Variants in ABCA8 observed in about 807,000 individuals in gnomAD.
The protein encoded by ABCA8 is ATP binding cassette subfamily A member 8, also known as ABC-type organic anion transporter ABCA8.
In ABCA8, 177 loss-of-function variants were observed where a neutral mutation model predicts 192.3. The ratio of observed to expected loss-of-function variants is 0.92; its 90% CI spans 0.81 to 1.04. The LOEUF is 1.04. Ranked by LOEUF, ABCA8 falls within the 50% of genes least tolerant of loss-of-function variation. The probability of loss-of-function intolerance (pLI) is 0.00; values close to 1 mark genes in which losing one functional copy is unlikely to be tolerated. For missense variants in ABCA8, 1,915 were observed against 1,904.8 expected (o/e 1.01, Z -0.10); for synonymous variants, 642 against 690.2 (o/e 0.93, Z 1.09).
rs2068505236 is a variant in ABCA8, at chr17:68,949,384, A to T, written c.-78T>A. 1 of 152,232 alleles carries T rather than the reference A, an allele frequency of 6.6e-6. No homozygotes were observed. The highest frequency in any genetic ancestry group is 2.1e-4 in the South Asian group (1 of 4,832). The allele number at this position is 152,232 out of a possible 1,614,324, so 9.4% of individuals were successfully genotyped here. On this transcript the variant is annotated 5_prime_UTR_variant, in exon 2 of 40. The change abolishes an upstream ATG in the 5' untranslated region. Transcript: ENST00000586539. ...CAGTGGTACAAGAGGAGCTGGTAGC[A>T]TTCCTTCTGAAACAATTCCAAACAG...
chr17:68,890,700 G>C (rs1212787285), intron 24 of ABCA8, among the ~76,000 whole-genome samples: 2 of 152,120 alleles, frequency 1.3e-5, no homozygotes, highest in East Asian at 3.9e-4. Context: ...TGTATTTTTA[G>C]TAGAGACAGG....
intron 11 of ABCA8, among the ~76,000 whole-genome samples, chr17:68,924,364 A>C (rs114636820): frequency 1.3e-5 from 2 of 149,598 alleles, no homozygotes; most frequent in East Asian, 1.9e-4. Context: ...AAAAAGGGAG[A>C]TAGATGAGGT....
intron 2 of ABCA8, among the ~76,000 whole-genome samples, chr17:68,946,224 T>G (rs985934890): frequency 2.6e-5 from 4 of 152,026 alleles, no homozygotes; most frequent in Admixed American, 6.5e-5. Context: ...CCCACCACCA[T>G]GCCCAGCTAA....
At chr17:68,919,579 C>G (rs2067481575) in intron 13 of ABCA8, 103 bp from the exon 14 acceptor site, 1 of 1,014,806 alleles carries the variant, frequency 9.9e-7, no homozygotes, top group Non-Finnish European at 1.4e-6. Context: ...ACAGTTTATA[C>G]AATTCAGGCA....
At chr17:68,918,304 CTA>C in intron 15 of ABCA8, 119 bp from the exon 16 acceptor site, 1 of 1,473,560 alleles carries the variant, frequency 6.8e-7, no homozygotes, top group Non-Finnish European at 9.2e-7. Context: ...TTTAGATACT[CTA>C]TTTAATGTTC....
chr17:68,890,151 A>C (rs914822866), intron 24 of ABCA8, among the ~76,000 whole-genome samples: 11 of 152,244 alleles, frequency 7.2e-5, no homozygotes, highest in African/African-American at 2.4e-4. Flanking sequence ...AAGTGATTGT[A>C]CAATTTACAA....
rs1222797452 is a variant in ABCA8, at chr17:68,919,348, G to C, written c.1741C>G (p.Leu581Val). ...AGAATCCCTTTTATTTTAGCAAAGA[G>C]TCTGAGGTTTTCTCTTACAGTGAGG... ...DFLTVRENLR[L>V]FAKIKGILPQ... The change falls in exon 14 of 40, where the codon CTC (leucine) becomes GTC (valine). Residue 581 changes from leucine to valine, a missense_variant. By Grantham distance (32) the Leu-to-Val change is conservative. Transcript: ENST00000586539. 1 of 1,613,692 alleles carries C rather than the reference G, an allele frequency of 6.2e-7. No individual in the cohort carries two copies. The highest frequency in any genetic ancestry group is 8.5e-7 in the Non-Finnish European group (1 of 1,179,832).
At position 68,876,549 on chromosome 17, in the gene ABCA8, G is replaced by T. The variant is rs1468739316; in HGVS notation, c.4281C>A (p.Cys1427Ter). 2 of 1,613,976 alleles carry T rather than the reference G, an allele frequency of 1.2e-6. No individual in the cohort carries two copies. Among genetic ancestry groups the T allele is most frequent in the Non-Finnish European group, 1.7e-6 (2 of 1,180,000 alleles). Residue 1427 changes from cysteine (C) to a stop codon, truncating the protein, a stop_gained, in exon 35 of 40, where the codon TGC becomes TGA. Coordinates refer to ENST00000586539, the MANE Select transcript of ABCA8 (RefSeq NM_001288985.2). LOFTEE classifies it high-confidence loss of function. ...TLSEGIKRKL[C>*]FVLSILGNPS... Reference sequence around the variant, plus strand: ...GGTTCCCCAGTATGCTCAGGACAAAGCACAGCTGCAACGGGAGGAACAGCC... The same window carrying T: ...GGTTCCCCAGTATGCTCAGGACAAATCACAGCTGCAACGGGAGGAACAGCC...
intron 32 of ABCA8, chr17:68,880,754 T>TG: frequency 3.6e-6 from 1 of 280,948 alleles, no homozygotes; most frequent in Non-Finnish European, 6.8e-6. Flanking sequence ...CACACACCCA[T>TG]CACCGCTATG....
chr17:68,886,151 C>A (rs1425138902), intron 26 of ABCA8, among the ~76,000 whole-genome samples: 1 of 152,202 alleles, frequency 6.6e-6, no homozygotes, highest in Non-Finnish European at 1.5e-5. Context: ...CTTCTAATTT[C>A]TCTGTCTTCC....
At chr17:68,927,263 G>GA (rs200891971) in intron 10 of ABCA8, among the ~76,000 whole-genome samples, 8 of 150,592 alleles carry the variant, frequency 5.3e-5, no homozygotes, top group African/African-American at 1.7e-4. Flanking sequence ...GTCTCAAAAA[G>GA]AAAAAAAAAG....
intron 26 of ABCA8, 102 bp downstream of exon 26, chr17:68,886,915 T>C (rs747830035): frequency 2.9e-5 from 18 of 610,968 alleles, no homozygotes; most frequent in Non-Finnish European, 4.8e-5. Context: ...GTGTTTATTA[T>C]AGACCATAAT....
At chr17:68,894,752 A>T in intron 22 of ABCA8, 128 bp downstream of exon 22, 1 of 1,061,832 alleles carries the variant, frequency 9.4e-7, no homozygotes, top group Non-Finnish European at 1.3e-6. Context: ...CAGTGAATAC[A>T]ATTCACTAAG....
intron 29 of ABCA8, 90 bp from the exon 30 acceptor site, chr17:68,882,809 C>T (rs186288940): frequency 3.3e-5 from 41 of 1,256,850 alleles, no homozygotes; most frequent in Middle Eastern, 2.0e-4. Flanking sequence ...TTGAGTAGTA[C>T]GAGCAATTAA....
rs369120203 is a variant in ABCA8 at position 68,868,125 on chromosome 17, G to A, written c.4826C>T (p.Pro1609Leu). The change falls in exon 40 of 40, where the codon CCC becomes CTC. Residue 1609 changes from proline (P) to leucine (L), a missense_variant. Physicochemically the swap from Pro to Leu is moderately conservative, Grantham distance 98 (BLOSUM62 -3). Transcript: ENST00000586539. ...ELGDFEEDFD[P>L]SVKWKLLPQE... is the part of the protein sequence containing the mutation. ...GGGGAGGAGCTTCCACTTCACTGAG[G>A]GATCAAAATCCTCCTCAAAATCACC... The A allele has an allele frequency of 1.2e-6, 2 of 1,613,106 alleles. No homozygotes were observed. Among genetic ancestry groups the A allele is most frequent in the African/African-American group, 1.3e-5 (1 of 74,860 alleles).
At chr17:68,870,370 T>C (rs2066017807) in intron 37 of ABCA8, among the ~76,000 whole-genome samples, 1 of 152,212 alleles carries the variant, frequency 6.6e-6, no homozygotes, top group Non-Finnish European at 1.5e-5. Flanking sequence ...GGGAACTCTC[T>C]TGTGGAAACT....
intron 17 of ABCA8, among the ~76,000 whole-genome samples, chr17:68,909,376 T>C (rs897679036): frequency 1.3e-5 from 2 of 152,132 alleles, no homozygotes; most frequent in Non-Finnish European, 2.9e-5. Flanking sequence ...CCAACCAAAC[T>C]GTATTTACAG....
chr17:68,931,304 C>T (rs908127762), intron 7 of ABCA8, among the ~76,000 whole-genome samples: 1 of 152,216 alleles, frequency 6.6e-6, no homozygotes, highest in East Asian at 1.9e-4. Context: ...GCAAACATTA[C>T]ACCAATGACA....
At chr17:68,908,286 A>G (rs1408640255) in intron 17 of ABCA8, among the ~76,000 whole-genome samples, 1 of 152,212 alleles carries the variant, frequency 6.6e-6, no homozygotes, top group African/African-American at 2.4e-5. Context: ...ACTAAATAGA[A>G]TTGTTGTATC....
Sources: gnomAD v4.1 joint callset for allele counts (sites outside exome capture counted in the v4.1 genomes callset) on GRCh38, gnomAD v4.1.1 for gene constraint, MANE v1.5 for transcripts, NCBI Gene and HGNC (gene_info 2026-07-23, HGNC 2026-07-21) for gene names.